Variants in WWOX observed in about 807,000 individuals in gnomAD.
WWOX encodes the protein WW domain containing oxidoreductase.
A neutral mutation model predicts 46.2 loss-of-function variants in WWOX; 69 were observed. The observed-to-expected ratio is 1.49, with a 90% CI of 1.23 to 1.82. The LOEUF (loss-of-function observed/expected upper bound fraction) is 1.82. WWOX is among the 40% of genes most tolerant of loss of function. WWOX has a pLI of 0.00. For synonymous variants in WWOX, 359 were observed against 202.6 expected (o/e 1.77, Z -6.56); for missense variants, 919 against 542.6 (o/e 1.69, Z -6.89).
At chr16:78,343,183 C>G (rs73576488) in intron 5 of WWOX, among the ~76,000 whole-genome samples, 2,430 of 119,442 alleles carry the variant, frequency 0.02, 582 homozygotes, top group African/African-American at 0.067. Flanking sequence ...TCTGGGTGTC[C>G]TCTGTGGGCT....
intron 8 of WWOX, among the ~76,000 whole-genome samples, chr16:78,792,543 A>G (rs1217065930): frequency 1.3e-5 from 2 of 152,300 alleles, no homozygotes; most frequent in East Asian, 3.9e-4. Context: ...AGGGGTTCGT[A>G]AAAACTTAGG....
At chr16:79,189,354 C>T (rs372800588) in intron 8 of WWOX, among the ~76,000 whole-genome samples, 1 of 151,512 alleles carries the variant, frequency 6.6e-6, no homozygotes, top group African/African-American at 2.4e-5. Flanking sequence ...ACTTCCCAGG[C>T]TTAGGTGATC....
At chr16:78,314,550 G>C (rs2080316376) in intron 5 of WWOX, among the ~76,000 whole-genome samples, 1 of 144,674 alleles carries the variant, frequency 6.9e-6, no homozygotes, top group African/African-American at 2.6e-5. Context: ...TTGAGTCGGA[G>C]TTTTGCTCTT....
chr16:78,186,771 A>G (rs2035720181), intron 5 of WWOX, among the ~76,000 whole-genome samples: 1 of 152,224 alleles, frequency 6.6e-6, no homozygotes, highest in South Asian at 2.1e-4. Flanking sequence ...TCTCAAAAGA[A>G]AAATAAATAA....
At chr16:79,146,496 T>A (rs1894894704) in intron 8 of WWOX, among the ~76,000 whole-genome samples, 1 of 152,144 alleles carries the variant, frequency 6.6e-6, no homozygotes. Context: ...CGTAACGAGT[T>A]TTCAAAACTC....
chr16:78,795,042 T>C (rs1211406469), intron 8 of WWOX, among the ~76,000 whole-genome samples: 1 of 152,208 alleles, frequency 6.6e-6, no homozygotes, highest in East Asian at 1.9e-4. Context: ...TGGCGATTTT[T>C]CCAGCCAACT....
rs553280223 is a variant in WWOX at position 79,198,361 on chromosome 16, A to G, written c.1057-13247A>G. On this transcript the variant is annotated intron_variant, in intron 8 of 8. Transcript: ENST00000566780. ...AAAAAGAGAAAAGTAAAGAAAAGAA[A>G]AGAGTAAGATTAAAAACAAGTAAAG... Among the ~76,000 whole-genome samples, 9 of 152,204 alleles carry G rather than the reference A, an allele frequency of 5.9e-5. No individual in the cohort carries two copies. In the East Asian group the frequency reaches 1.5e-3, roughly 26 times the overall value.
intron 8 of WWOX, among the ~76,000 whole-genome samples, chr16:78,956,515 T>A (rs1403488706): frequency 6.6e-6 from 1 of 152,242 alleles, no homozygotes; most frequent in Non-Finnish European, 1.5e-5. Flanking sequence ...AGTCTATAGG[T>A]TCATTAGGTT....
At chr16:78,489,533 G>T (rs1011392846) in intron 8 of WWOX, among the ~76,000 whole-genome samples, 1 of 152,034 alleles carries the variant, frequency 6.6e-6, no homozygotes, top group Middle Eastern at 3.4e-3. Flanking sequence ...CCCCTTAGCA[G>T]CTTTCAAATA....
chr16:78,711,343 T>C lies in WWOX; in HGVS notation c.1056+278591T>C, dbSNP rs942884678. On this transcript the variant is annotated intron_variant, in intron 8 of 8. Coordinates refer to ENST00000566780, the MANE Select transcript of WWOX (RefSeq NM_016373.4). ...TTTGTTTAGCAACAGCCTGGCTGAA[T>C]AGTTCTTCAAAAAATAGGAACATGA... Among the ~76,000 whole-genome samples, 3 of 152,354 alleles carry C rather than the reference T, an allele frequency of 2.0e-5. No individual in the cohort carries two copies. In the East Asian group the frequency reaches 5.8e-4, roughly 29 times the overall value.
intron 8 of WWOX, among the ~76,000 whole-genome samples, chr16:78,724,647 T>A (rs765821269): frequency 1.3e-5 from 2 of 152,172 alleles, no homozygotes; most frequent in Non-Finnish European, 2.9e-5. Context: ...GGAAAACATT[T>A]CCATGCAATT....
intron 4 of WWOX, among the ~76,000 whole-genome samples, chr16:78,142,265 T>A (rs114226110): frequency 0.029 from 4,486 of 152,254 alleles, 127 homozygotes; most frequent in African/African-American, 0.07. Flanking sequence ...GCAAAATAGT[T>A]ACTGCCTCTG....
At chr16:78,797,854 G>A (rs1016698479) in intron 8 of WWOX, among the ~76,000 whole-genome samples, 2 of 152,176 alleles carry the variant, frequency 1.3e-5, no homozygotes, top group African/African-American at 4.8e-5. Flanking sequence ...TGCGCGTGGT[G>A]GCGCGTGCCT....
intron 8 of WWOX, among the ~76,000 whole-genome samples, chr16:78,718,092 G>GTTTTTTTTTTTTTTTTTTT: frequency 5.0e-5 from 7 of 139,662 alleles, no homozygotes; most frequent in African/African-American, 2.0e-4. Flanking sequence ...GGTTCTGGTG[G>GTTTTTTTTTTTTTTTTTTT]TTGTATTTTT....
intron 5 of WWOX, among the ~76,000 whole-genome samples, chr16:78,378,806 T>C (rs928484710): frequency 2.6e-5 from 4 of 152,188 alleles, no homozygotes; most frequent in African/African-American, 9.7e-5. Flanking sequence ...CGTGCTTACA[T>C]TTTCTCCTTC....
At chr16:78,936,486 T>C (rs1314909681) in intron 8 of WWOX, among the ~76,000 whole-genome samples, 1 of 152,120 alleles carries the variant, frequency 6.6e-6, no homozygotes, top group Non-Finnish European at 1.5e-5. Context: ...CATAAGTGCT[T>C]GCTAGCAAGC....
At chr16:79,035,314 G>A (rs1170102229) in intron 8 of WWOX, among the ~76,000 whole-genome samples, 1 of 152,128 alleles carries the variant, frequency 6.6e-6, no homozygotes, top group East Asian at 1.9e-4. Flanking sequence ...GATTTCCAAT[G>A]GGAGGCAAAT....
chr16:78,749,403 T>C (rs1016647848), intron 8 of WWOX, among the ~76,000 whole-genome samples: 1 of 152,228 alleles, frequency 6.6e-6, no homozygotes, highest in Non-Finnish European at 1.5e-5. Flanking sequence ...AAAATTACCA[T>C]TTTAATAATA....
At chr16:78,965,773 C>G (rs954500223) in intron 8 of WWOX, among the ~76,000 whole-genome samples, 2 of 152,196 alleles carry the variant, frequency 1.3e-5, no homozygotes, top group Non-Finnish European at 1.5e-5. Context: ...AATCTTTTCT[C>G]TGTCCTTCAC....
Sources: gnomAD v4.1 joint callset for allele counts (sites outside exome capture counted in the v4.1 genomes callset) on GRCh38, gnomAD v4.1.1 for gene constraint, MANE v1.5 for transcripts, NCBI Gene and HGNC (gene_info 2026-07-23, HGNC 2026-07-21) for gene names.